The following ELF1 variants were observed in gnomAD, a reference collection of about 807,000 sequenced individuals.
ELF1 encodes the protein E74 like ETS transcription factor 1.
In ELF1, 24 loss-of-function variants were observed where a neutral mutation model predicts 59.9. That is an observed-to-expected ratio of 0.40 (90% confidence interval 0.29 to 0.56). ELF1 has a LOEUF of 0.56. ELF1 is among the 20% of genes least tolerant of loss of function. ELF1 has a pLI of 0.44. For missense variants in ELF1, 627 were observed against 742.2 expected (o/e 0.84, Z 1.80); for synonymous variants, 248 against 266.2 (o/e 0.93, Z 0.67).
intron 2 of ELF1, among the ~76,000 whole-genome samples, chr13:40,960,729 T>C (rs1871764356): frequency 2.0e-5 from 3 of 152,218 alleles, no homozygotes; most frequent in Admixed American, 2.0e-4. Flanking sequence ...CATGCCTCCA[T>C]GCCTAGATTA....
intron 2 of ELF1, among the ~76,000 whole-genome samples, chr13:40,971,611 T>G (rs1391325878): frequency 6.6e-6 from 1 of 152,180 alleles, no homozygotes; most frequent in Non-Finnish European, 1.5e-5. Flanking sequence ...ATCAAAAACA[T>G]AAAGGTCTAA....
At chr13:40,966,358 A>G (rs112819567) in intron 2 of ELF1, among the ~76,000 whole-genome samples, 115 of 152,382 alleles carry the variant, frequency 7.5e-4, no homozygotes, top group Non-Finnish European at 1.2e-3. Context: ...AATTTAGGAT[A>G]TATGTTGAAA....
At chr13:41,046,874 G>A (rs775291642) in intron 1 of ELF1, among the ~76,000 whole-genome samples, 2 of 152,220 alleles carry the variant, frequency 1.3e-5, no homozygotes, top group African/African-American at 2.4e-5. Context: ...ATATCCTGAA[G>A]AGTGTTTTCC....
At chr13:40,977,233 T>C (rs902474648) in intron 2 of ELF1, among the ~76,000 whole-genome samples, 1 of 152,066 alleles carries the variant, frequency 6.6e-6, no homozygotes, top group African/African-American at 2.4e-5. Context: ...CTTCTTCTCA[T>C]ACATTCACCA....
intron 1 of ELF1, among the ~76,000 whole-genome samples, chr13:41,052,426 A>G (rs1212149840): frequency 1.3e-5 from 2 of 152,222 alleles, no homozygotes; most frequent in South Asian, 2.1e-4. Context: ...GTTCATTGTC[A>G]TTTACAATTT....
chr13:40,949,660 A>G (rs1870723724), intron 5 of ELF1, 146 bp downstream of exon 5: 11 of 1,024,602 alleles, frequency 1.1e-5, no homozygotes, highest in Non-Finnish European at 1.6e-5. Flanking sequence ...TGGCCAAGAA[A>G]TAACTCATAA....
intron 8 of ELF1, among the ~76,000 whole-genome samples, chr13:40,935,598 T>C (rs1034127744): frequency 6.6e-6 from 1 of 152,002 alleles, no homozygotes; most frequent in South Asian, 2.1e-4. Flanking sequence ...ACCCAAGTTC[T>C]CTTGCCCATT....
Position 40,941,298 on chromosome 13 carries a change from T to A in ELF1, c.879A>T (p.Pro293=), listed in dbSNP as rs746867928. 3.7e-6 allele frequency: 6 copies of A among 1,613,978 alleles called. No homozygotes were observed. The East Asian group carries it at 1.1e-4, about 30-fold the overall frequency. The change falls in exon 8 of 9, where the codon CCA becomes CCT. Residue 293 remains proline (P), a synonymous_variant. Coordinates refer to ENST00000239882, the MANE Select transcript of ELF1 (RefSeq NM_172373.4). Reference sequence around the variant, plus strand: ...CATCATTTATATATATAAGATCTTTTGGCATTTCTTTAAACTGATACACCA... The same window carrying A: ...CATCATTTATATATATAAGATCTTTAGGCATTTCTTTAAACTGATACACCA... ...QRLVYQFKEM[P]KDLIYINDED...
chr13:40,940,417 A>C (rs983453148), intron 8 of ELF1, among the ~76,000 whole-genome samples: 5 of 115,464 alleles, frequency 4.3e-5, no homozygotes, highest in African/African-American at 8.5e-5. Flanking sequence ...AAAAAAAAAA[A>C]ACAAACCTAC....
intron 4 of ELF1, 131 bp from the exon 5 acceptor site, chr13:40,950,104 G>A (rs148200038): frequency 1.7e-5 from 15 of 873,670 alleles, no homozygotes; most frequent in African/African-American, 1.0e-4. Context: ...CTATTCCTGC[G>A]TTTAAGTTCC....
Position 40,941,195 on chromosome 13 carries a change from G to T in ELF1, c.982C>A (p.Arg328=). ...CCTGGACTTGAAGATACTCTCGACCGGCTGGTTTGATTCCTATTTGAAGTG... is the reference window on the plus strand; with the variant it reads ...CCTGGACTTGAAGATACTCTCGACCTGCTGGTTTGATTCCTATTTGAAGTG... ...SATSNRNQTS[R]SRVSSSPGVK... Residue 328 remains arginine (R), a synonymous_variant, in exon 8 of 9, where the codon CGG becomes AGG. Coordinates refer to ENST00000239882, the MANE Select transcript of ELF1 (RefSeq NM_172373.4). The T allele has an allele frequency of 6.2e-7, 1 of 1,614,122 alleles. No homozygotes were observed.
rs1164914805 is a variant in ELF1 at position 41,039,349 on chromosome 13, A to C, written c.-229+21489T>G. 1.3e-4 allele frequency among the ~76,000 whole-genome samples: 19 copies of C among 151,822 alleles called. 1 individual carries two copies. Among genetic ancestry groups the C allele is most frequent in the African/African-American group, 2.2e-4 (9 of 41,528 alleles). On this transcript the variant is annotated intron_variant, in intron 1 of 1. Coordinates refer to the ELF1 transcript ENST00000405737. ...AAGTCCTTTTTTTAAAAAAAAAAAA[A>C]AAAAAAAACCTATTCTTAAGTTTAG...
chr13:41,060,712 CA>C (rs925240588), intron 1 of ELF1: 36 of 160,032 alleles, frequency 2.2e-4, no homozygotes, highest in Middle Eastern at 2.7e-3. Context: ...CCGATAGTTG[CA>C]AAAAAAAAGA....
At chr13:41,019,372 T>A, upstream of ELF1, 1 of 985,342 alleles carries the variant, frequency 1.0e-6, no homozygotes, top group South Asian at 4.7e-5. Context: ...CAAGTGTTTC[T>A]AAGGGAGGCA....
chr13:41,007,728 A>T lies in ELF1; in HGVS notation c.-229+11500T>A, dbSNP rs1874833780. ...AATAAAAGTATATTTCTTCCATATA[A>T]CATTTATTTAATCAACCCCTAATTT... is the stretch of plus-strand genomic sequence containing the variant. On this transcript the variant is annotated intron_variant, in intron 1 of 8. Transcript: ENST00000239882. Among the ~76,000 whole-genome samples the T allele has an allele frequency of 2.0e-5, 3 of 152,126 alleles. No individual in the cohort carries two copies. In the South Asian group the frequency reaches 6.2e-4, roughly 32 times the overall value.
At chr13:41,036,194 G>A (rs1157356847) in intron 1 of ELF1, among the ~76,000 whole-genome samples, 1 of 151,978 alleles carries the variant, frequency 6.6e-6, no homozygotes, top group Non-Finnish European at 1.5e-5. Flanking sequence ...GGGATTACAG[G>A]CATGAGCCAC....
intron 1 of ELF1, among the ~76,000 whole-genome samples, chr13:41,032,509 C>A (rs1471824101): frequency 6.6e-6 from 1 of 151,996 alleles, no homozygotes; most frequent in Admixed American, 6.6e-5. Flanking sequence ...TGAGCCCCTG[C>A]GCCCAGCGAT....
At chr13:40,954,638 C>T (rs958631808) in intron 3 of ELF1, among the ~76,000 whole-genome samples, 3 of 152,206 alleles carry the variant, frequency 2.0e-5, no homozygotes, top group Non-Finnish European at 4.4e-5. Flanking sequence ...TTGGTGGAGG[C>T]GGGGTTTTGC....
At chr13:41,060,201 G>C (rs1251689048) in intron 1 of ELF1, among the ~76,000 whole-genome samples, 1 of 152,186 alleles carries the variant, frequency 6.6e-6, no homozygotes, top group Non-Finnish European at 1.5e-5. Context: ...CGTCCCCCCG[G>C]GAGGGCGCGG....
Sources: gnomAD v4.1 joint callset for allele counts (sites outside exome capture counted in the v4.1 genomes callset) on GRCh38, gnomAD v4.1.1 for gene constraint, MANE v1.5 for transcripts, NCBI Gene and HGNC (gene_info 2026-07-23, HGNC 2026-07-21) for gene names.